ADAMTSL1: variants seen among roughly 807,000 people sequenced by gnomAD.
ADAMTSL1 encodes the protein ADAMTS-like protein 1.
A neutral mutation model predicts 201.8 loss-of-function variants in ADAMTSL1; 126 were observed. The observed-to-expected ratio is 0.62, with a 90% CI of 0.54 to 0.72. The LOEUF is 0.72. Ranked by LOEUF, ADAMTSL1 falls within the 30% of genes least tolerant of loss-of-function variation. The probability of loss-of-function intolerance (pLI) is 0.00; values close to 1 mark genes in which losing one functional copy is unlikely to be tolerated. For synonymous variants in ADAMTSL1, 1,121 were observed against 903.4 expected, an observed-to-expected ratio of 1.24 and a Z score of -4.32; for missense variants, 2,679 against 2,277.8, an observed-to-expected ratio of 1.18 and a Z score of -3.59.
intron 5 of ADAMTSL1, among the ~76,000 whole-genome samples, chr9:18,634,651 A>G (rs1826983883): frequency 6.6e-6 from 1 of 151,750 alleles, no homozygotes; most frequent in South Asian, 2.1e-4. Context: ...CAGTCTGGCC[A>G]ATATAGTGAA....
intron 2 of ADAMTSL1, among the ~76,000 whole-genome samples, chr9:18,166,552 A>G (rs1473262645): frequency 6.6e-6 from 1 of 151,954 alleles, no homozygotes; most frequent in African/African-American, 2.4e-5. Context: ...TAGGTTTATC[A>G]TAAGTAATGT....
At chr9:18,539,195 T>A (rs940028342) in intron 3 of ADAMTSL1, among the ~76,000 whole-genome samples, 1 of 152,204 alleles carries the variant, frequency 6.6e-6, no homozygotes, top group Non-Finnish European at 1.5e-5. Flanking sequence ...ATCAATCAGT[T>A]TTAAAACAGC....
chr9:18,826,471 C>T lies in ADAMTSL1; in HGVS notation c.4114+8C>T, dbSNP rs1404882260. 8 of 1,609,866 alleles carry T rather than the reference C, an allele frequency of 5.0e-6. No individual in the cohort carries two copies. The highest frequency in any genetic ancestry group is 6.8e-6 in the Non-Finnish European group (8 of 1,178,138). ...CCCAGCTGCTGATCCTAGGTAAACA[C>T]TTCAAAGCTGGCTGCCTCTGCTGCA... On this transcript the variant is annotated splice_region_variant and intron_variant, in intron 22 of 28. Transcript: ENST00000380548.
chr9:18,854,940 C>T (rs1239879254), intron 23 of ADAMTSL1, among the ~76,000 whole-genome samples: 1 of 152,010 alleles, frequency 6.6e-6, no homozygotes, highest in African/African-American at 2.4e-5. Flanking sequence ...ATTGAATTAC[C>T]CCTCCCCATT....
At chr9:18,803,929 A>G (rs1822950435) in intron 20 of ADAMTSL1, among the ~76,000 whole-genome samples, 1 of 152,140 alleles carries the variant, frequency 6.6e-6, no homozygotes, top group Non-Finnish European at 1.5e-5. Flanking sequence ...ATTTGGATGG[A>G]AGGGGAACAA....
At chr9:18,621,626 C>G (rs906355667) in intron 4 of ADAMTSL1, among the ~76,000 whole-genome samples, 14 of 151,482 alleles carry the variant, frequency 9.2e-5, no homozygotes, top group Non-Finnish European at 2.9e-5. Flanking sequence ...TTTGCTGATT[C>G]TCTCCTCTTT....
chr9:17,937,010 G>C (rs558183566), intron 1 of ADAMTSL1, among the ~76,000 whole-genome samples: 93 of 152,232 alleles, frequency 6.1e-4, no homozygotes, highest in African/African-American at 2.1e-3. Context: ...TGAGATCCTT[G>C]CTCCACTGGC....
intron 10 of ADAMTSL1, among the ~76,000 whole-genome samples, chr9:18,677,673 T>C (rs1261628030): frequency 6.6e-6 from 1 of 152,070 alleles, no homozygotes. Flanking sequence ...ATTGATTTCT[T>C]ATAGGTTGGG....
At chr9:18,119,784 ACT>A (rs766339569) in intron 1 of ADAMTSL1, among the ~76,000 whole-genome samples, 3 of 151,950 alleles carry the variant, frequency 2.0e-5, no homozygotes, top group Non-Finnish European at 2.9e-5. Context: ...TGCTGGCTTC[ACT>A]CTCACCCTTT....
chr9:18,291,774 C>CACAA (rs777566170), intron 2 of ADAMTSL1, among the ~76,000 whole-genome samples: 2 of 144,806 alleles, frequency 1.4e-5, no homozygotes, highest in East Asian at 2.1e-4. Context: ...CACACACACA[C>CACAA]ACACATCCCT....
chr9:18,097,025 T>C (rs1824281694), intron 1 of ADAMTSL1, among the ~76,000 whole-genome samples: 1 of 152,232 alleles, frequency 6.6e-6, no homozygotes, highest in South Asian at 2.1e-4. Context: ...GTATCAGATA[T>C]ACTGTCAAGA....
In ADAMTSL1 at chr9:18,112,329, G is replaced by C. The variant is rs1477970901; in HGVS notation, c.88-51533G>C. On this transcript the variant is annotated intron_variant, in intron 1 of 29. Transcript: ENST00000680146. Reference sequence around the variant, plus strand: ...GCAGTGGAGTTAATCTCCCCGAGGGGACGTACTCCATTAATAGGTATAGTG... The same window carrying C: ...GCAGTGGAGTTAATCTCCCCGAGGGCACGTACTCCATTAATAGGTATAGTG... Among the ~76,000 whole-genome samples the C allele has an allele frequency of 2.0e-5, 3 of 152,046 alleles. No individual in the cohort carries two copies. In the East Asian group the frequency reaches 5.8e-4, roughly 29 times the overall value.
upstream of ADAMTSL1, among the ~76,000 whole-genome samples, chr9:18,473,528 T>G (rs1433290225): frequency 6.6e-6 from 1 of 152,202 alleles, no homozygotes; most frequent in African/African-American, 2.4e-5. Flanking sequence ...CTTATGCCAC[T>G]GTTTAGGCTT....
chr9:18,330,079 AG>A (rs1431522669), intron 2 of ADAMTSL1, among the ~76,000 whole-genome samples: 19 of 152,308 alleles, frequency 1.2e-4, no homozygotes, highest in Non-Finnish European at 2.4e-4. Flanking sequence ...ATGTCAATAA[AG>A]TTCCCGATTT....
chr9:18,157,992 C>G (rs144620029), intron 1 of ADAMTSL1, among the ~76,000 whole-genome samples: 1 of 152,058 alleles, frequency 6.6e-6, no homozygotes, highest in Non-Finnish European at 1.5e-5. Context: ...CGTTTAGTCA[C>G]CCACCAACAC....
At chr9:18,908,264 T>G in intron 28 of ADAMTSL1, 178 bp from the exon 29 acceptor site, 1 of 629,986 alleles carries the variant, frequency 1.6e-6, no homozygotes, top group Non-Finnish European at 2.9e-6. Flanking sequence ...TTGGCAGCCT[T>G]GGGGAGCAAG....
intron 23 of ADAMTSL1, among the ~76,000 whole-genome samples, chr9:18,851,397 T>C (rs757695443): frequency 5.3e-5 from 8 of 152,312 alleles, no homozygotes; most frequent in Middle Eastern, 3.4e-3. Flanking sequence ...ATCTAGCTGT[T>C]AGCAGCAGCA....
intron 2 of ADAMTSL1, among the ~76,000 whole-genome samples, chr9:18,441,519 G>T (rs112720779): frequency 8.4e-4 from 128 of 152,138 alleles, no homozygotes; most frequent in African/African-American, 2.9e-3. Context: ...TTTCTGTTGG[G>T]GATAGAAAGG....
At chr9:18,646,090 G>C (rs1827792831) in intron 7 of ADAMTSL1, among the ~76,000 whole-genome samples, 1 of 151,774 alleles carries the variant, frequency 6.6e-6, no homozygotes, top group South Asian at 2.1e-4. Context: ...AGTTCTCCTT[G>C]AAGAGGTCCT....
Sources: allele counts gnomAD v4.1 joint callset (sites outside exome capture counted in the v4.1 genomes callset), GRCh38; gene constraint gnomAD v4.1.1; transcripts MANE v1.5; gene names NCBI Gene and HGNC (gene_info 2026-07-23, HGNC 2026-07-21).